The following ATRIP variants were observed in gnomAD, a reference collection of about 807,000 sequenced individuals.
ATRIP encodes the protein ATR interacting protein, also known as ATR-interacting protein.
Under a neutral mutation model 78.1 loss-of-function variants are expected in ATRIP, and 44 were observed. That is an observed-to-expected ratio of 0.56 (90% confidence interval 0.44 to 0.72). The LOEUF (loss-of-function observed/expected upper bound fraction) is 0.72, where lower values mean the gene tolerates loss of function less well. ATRIP is among the 30% of genes least tolerant of loss of function. ATRIP has a pLI of 0.00. For missense variants in ATRIP, 927 were observed against 980.2 expected, an observed-to-expected ratio of 0.95 and a Z score of 0.72; for synonymous variants, 388 against 408.9, an observed-to-expected ratio of 0.95 and a Z score of 0.62.
At chr3:48,460,065 T>C in intron 7 of ATRIP, 45 bp from the exon 8 acceptor site, 1 of 1,573,844 alleles carries the variant, frequency 6.4e-7, no homozygotes, top group Non-Finnish European at 8.6e-7. Context: ...CTTGACCTTA[T>C]CTCCATCCCA....
At chr3:48,465,324 T>C (rs2040249814) in intron 12 of ATRIP, among the ~76,000 whole-genome samples, 163 bp from the exon 13 acceptor site, 1 of 152,274 alleles carries the variant, frequency 6.6e-6, no homozygotes, top group African/African-American at 2.4e-5. Flanking sequence ...TAGCCGTGTC[T>C]GAATTGCCTT....
Position 48,465,692 on chromosome 3 carries a change from G to A in ATRIP, c.*138G>A. On this transcript the variant is annotated 3_prime_UTR_variant, in exon 13 of 13. Coordinates refer to ENST00000320211, the MANE Select transcript of ATRIP (RefSeq NM_130384.3). ...TCCTGAGTCTGATCTGTTTGGCGGA[G>A]TGGGAGGGGTGGAGCAGGACCCGGA... 1 of 854,182 alleles carries A rather than the reference G, an allele frequency of 1.2e-6. No individual in the cohort carries two copies. 52.9% of individuals were successfully genotyped at this position (854,182 alleles called of 1,614,324 possible).
rs1019800321 is a variant in ATRIP, at chr3:48,467,101, G to C, written c.*1547G>C. Reference sequence around the variant, plus strand: ...CTGGGCCTCACCAGTGCTCTGGATGGTGCCTTCTGTGTGGATAGCATCACT... The same window carrying C: ...CTGGGCCTCACCAGTGCTCTGGATGCTGCCTTCTGTGTGGATAGCATCACT... On this transcript the variant is annotated 3_prime_UTR_variant, in exon 13 of 13. Transcript: ENST00000320211. 1 of 1,613,838 alleles carries C rather than the reference G, an allele frequency of 6.2e-7. No homozygotes were observed. Among genetic ancestry groups the C allele is most frequent in the African/African-American group, 1.3e-5 (1 of 74,920 alleles).
Position 48,466,136 on chromosome 3 carries a change from G to GA in ATRIP, c.*584dup, listed in dbSNP as rs1385141425. On this transcript the variant is annotated 3_prime_UTR_variant, in exon 13 of 13. Transcript: ENST00000320211. The stretch of plus-strand genomic sequence containing the variant: ...GGAGCAGGGGAGTGGGTGTGGGGGG[G>GA]AACGGATGGTGGTGAGAGGGACAGA... 93 of 434,406 alleles carry GA rather than the reference G, an allele frequency of 2.1e-4. No individual in the cohort carries two copies. Among genetic ancestry groups the GA allele is most frequent in the African/African-American group, 1.7e-3 (86 of 49,930 alleles). The allele number at this position is 434,406 out of a possible 1,614,324, so 26.9% of individuals were successfully genotyped here. A position where few individuals can be genotyped will look rare whatever the true frequency, so the allele number is the denominator to read the frequency against.
chr3:48,454,859 GT>G (rs1010049923), intron 4 of ATRIP, among the ~76,000 whole-genome samples: 2 of 134,242 alleles, frequency 1.5e-5, no homozygotes, highest in Non-Finnish European at 1.6e-5. Flanking sequence ...TGCTCAACTT[GT>G]TTTTTTTTTC....
intron 10 of ATRIP, 53 bp from the exon 11 acceptor site, chr3:48,464,529 G>A (rs895937980): frequency 2.6e-5 from 40 of 1,564,236 alleles, no homozygotes; most frequent in East Asian, 4.5e-5. Context: ...GAAAACCCTC[G>A]CAGGGACTGG....
Position 48,466,826 on chromosome 3 carries a change from TCCTC to T in ATRIP, c.*1274_*1277del, listed in dbSNP as rs1156394177. The T allele has an allele frequency of 1.9e-6, 3 of 1,613,694 alleles. No homozygotes were observed. The highest frequency in any genetic ancestry group is 1.6e-4 in the Middle Eastern group (1 of 6,084). On this transcript the variant is annotated 3_prime_UTR_variant, in exon 13 of 13. Coordinates refer to ENST00000320211, the MANE Select transcript of ATRIP (RefSeq NM_130384.3). ...CCTCTCAGGGGCCACCTCCCACAGT[TCCTC>T]CACCACCGCGTGTGGTAGACAAGCT...
chr3:48,465,038 G>T lies in ATRIP; in HGVS notation c.2263G>T (p.Val755Phe). 3 of 1,613,634 alleles carry T rather than the reference G, an allele frequency of 1.9e-6. No homozygotes were observed. The highest frequency in any genetic ancestry group is 2.5e-6 in the Non-Finnish European group (3 of 1,179,798). The change falls in exon 12 of 13, where the codon GTC (valine) becomes TTC (phenylalanine). Residue 755 changes from valine to phenylalanine, a missense_variant. Val to Phe is a conservative substitution (Grantham distance 50, BLOSUM62 -1). Transcript: ENST00000320211. ...LHQFDQVMPG[V>F]SMLIRGLPDV... ...TCAGTTTGACCAGGTGATGCCGGGG[G>T]TCAGCATGCTCATCCGAGGGCTTCC... is the stretch of plus-strand genomic sequence containing the variant.
Position 48,459,845 on chromosome 3 carries a change from C to A in ATRIP, c.984C>A (p.Ser328Arg). Residue 328 changes from serine (S) to arginine (R), a missense_variant, in exon 7 of 13, where the codon AGC becomes AGA. Transcript: ENST00000320211. Reference protein sequence around the residue: ...KQPLIPGSSLSLCHLLSSSSE... With the variant: ...KQPLIPGSSLRLCHLLSSSSE... Reference sequence around the variant, plus strand: ...CTTTGATCCCAGGGTCATCCCTAAGCCTTTGCCACCTCCTGAGTAGTAGTT... The same window carrying A: ...CTTTGATCCCAGGGTCATCCCTAAGACTTTGCCACCTCCTGAGTAGTAGTT... 1 of 1,614,026 alleles carries A rather than the reference C, an allele frequency of 6.2e-7. No individual in the cohort carries two copies. Among genetic ancestry groups the A allele is most frequent in the Non-Finnish European group, 8.5e-7 (1 of 1,179,960 alleles).
At chr3:48,449,822 C>T (rs955801656) in intron 1 of ATRIP, among the ~76,000 whole-genome samples, 18 of 150,292 alleles carry the variant, frequency 1.2e-4, no homozygotes, top group Non-Finnish European at 2.1e-4. Flanking sequence ...CCTGTAGTCC[C>T]AGCTACACAG....
chr3:48,464,053 T>G lies in ATRIP; in HGVS notation c.1895T>G (p.Leu632Arg), dbSNP rs1382286606. The change falls in exon 10 of 13, where the codon CTG becomes CGG. Residue 632 changes from leucine to arginine, a missense_variant. Physicochemically the swap from Leu to Arg is moderately radical, Grantham distance 102. Transcript: ENST00000320211. ...CTGTCCTTTTCAGAAGGCTGCCTCC[T>G]GCTGCTGCTGTACATGTACATCACA... ...QLCSHSEGCL[L>R]LLLYMYITSR... The G allele has an allele frequency of 3.7e-6, 6 of 1,613,252 alleles. No individual in the cohort carries two copies. The South Asian group carries it at 5.5e-5, about 15-fold the overall frequency.
Position 48,451,831 on chromosome 3 carries a change from TCA to T in ATRIP, c.487_488del (p.His163PhefsTer4). ...TESVLEEQRR[S>X]HFLLEQEKTQ... is the part of the protein sequence containing the mutation. ...ATCCGTTCTAGAGGAACAGAGAAGA[TCA>T]CATTTTCTTCTTGAGCAAGAGAAAA... On this transcript the variant is annotated frameshift_variant, in exon 3 of 13. Coordinates refer to ENST00000320211, the MANE Select transcript of ATRIP (RefSeq NM_130384.3). LOFTEE classifies it high-confidence loss of function. 6.2e-7 allele frequency: 1 copy of T among 1,612,684 alleles called. No individual in the cohort carries two copies. The highest frequency in any genetic ancestry group is 8.5e-7 in the Non-Finnish European group (1 of 1,179,124).
At chr3:48,459,978 C>T in intron 7 of ATRIP, 62 bp downstream of exon 7, 1 of 1,569,262 alleles carries the variant, frequency 6.4e-7, no homozygotes, top group South Asian at 1.2e-5. Context: ...AAATTCCTTT[C>T]TGGCCCTGGC....
chr3:48,457,714 A>C (rs1029260830), intron 5 of ATRIP, among the ~76,000 whole-genome samples: 3 of 152,222 alleles, frequency 2.0e-5, no homozygotes, highest in Non-Finnish European at 1.5e-5. Flanking sequence ...AAATCCAGAG[A>C]GAGCGAGCCA....
chr3:48,460,128 A>G lies in ATRIP; in HGVS notation c.1074A>G (p.Ser358=), dbSNP rs750452581. 6.2e-7 allele frequency: 1 copy of G among 1,611,230 alleles called. No individual in the cohort carries two copies. The highest frequency in any genetic ancestry group is 1.1e-5 in the South Asian group (1 of 90,858). ...PGFGSTLAGM[S]GLRTTGSYDG... ...TTGCCAGTACCTTGGCTGGAATGTC[A>G]GGCCTCAGGACCACAGGTTCTTATG... is the stretch of plus-strand genomic sequence containing the variant. The change falls in exon 8 of 13, where the codon TCA becomes TCG. Residue 358 remains serine, a synonymous_variant. Transcript: ENST00000320211.
rs117296298 is a variant in ATRIP, at chr3:48,449,140, G to A, written c.248-897G>A. Among the ~76,000 whole-genome samples, 84 of 152,236 alleles carry A rather than the reference G, an allele frequency of 5.5e-4. 3 individuals are homozygous for A. In the East Asian group the frequency reaches 0.015, roughly 27 times the overall value. ...GATCATTTATGAGTTTCAGCCGGGT[G>A]TGGTGGCTCACGCCTGTAATCCCAG... is the stretch of plus-strand genomic sequence containing the variant. On this transcript the variant is annotated intron_variant, in intron 1 of 12. Coordinates refer to ENST00000320211, the MANE Select transcript of ATRIP (RefSeq NM_130384.3).
Position 48,464,888 on chromosome 3 carries a change from G to A in ATRIP, c.2113G>A (p.Gly705Arg). 1 of 1,613,952 alleles carries A rather than the reference G, an allele frequency of 6.2e-7. No homozygotes were observed. The highest frequency in any genetic ancestry group is 1.3e-5 in the African/African-American group (1 of 75,070). The change falls in exon 12 of 13, where the codon GGG becomes AGG. Residue 705 changes from glycine (G) to arginine (R), a missense_variant. Coordinates refer to ENST00000320211, the MANE Select transcript of ATRIP (RefSeq NM_130384.3). ...HRQWLTVRRA[G>R]GPPRTDQQRR... ...ACAGTGGCTGACAGTGCGGAGGGCAGGGGGACCCCCAAGGACCGACCAGCA... is the reference window on the plus strand; with the variant it reads ...ACAGTGGCTGACAGTGCGGAGGGCAAGGGGACCCCCAAGGACCGACCAGCA...
rs745307966 is a variant in ATRIP at position 48,467,599 on chromosome 3, A to AG, written c.*2047dup. 1.2e-6 allele frequency: 2 copies of AG among 1,609,722 alleles called. No individual in the cohort carries two copies. The highest frequency in any genetic ancestry group is 2.2e-5 in the South Asian group (2 of 90,956). Reference sequence around the variant, plus strand: ...CTATCCCTGGCCACACCTGGGGAGTAGGCCAAGAAGGAAAATCTGACGAAT... The same window carrying AG: ...CTATCCCTGGCCACACCTGGGGAGTAGGGCCAAGAAGGAAAATCTGACGAAT... On this transcript the variant is annotated 3_prime_UTR_variant, in exon 13 of 13. Transcript: ENST00000320211.
intron 8 of ATRIP, 41 bp from the exon 9 acceptor site, chr3:48,463,704 G>A (rs374472440): frequency 5.6e-5 from 91 of 1,612,254 alleles, no homozygotes; most frequent in Non-Finnish European, 7.6e-5. Flanking sequence ...ATGGAGCTGG[G>A]GTTGGGGAGT....
Sources: allele counts gnomAD v4.1 joint callset (sites outside exome capture counted in the v4.1 genomes callset), GRCh38; gene constraint gnomAD v4.1.1; transcripts MANE v1.5; gene names NCBI Gene and HGNC (gene_info 2026-07-23, HGNC 2026-07-21).